ADCY2: variants seen among roughly 807,000 people sequenced by gnomAD.
The protein encoded by ADCY2 is adenylate cyclase 2.
Under a neutral mutation model 125.2 loss-of-function variants are expected in ADCY2, and 31 were observed. That is an observed-to-expected ratio of 0.25 (90% CI 0.19 to 0.33). The LOEUF is 0.33. ADCY2 is among the 10% of genes least tolerant of loss of function. The pLI, the probability that ADCY2 is intolerant of heterozygous loss-of-function variation, is 1.00. For missense variants in ADCY2, 904 were observed against 1,418.2 expected (o/e 0.64, Z 5.82); for synonymous variants, 512 against 548.4 (o/e 0.93, Z 0.93).
intron 11 of ADCY2, 25 bp from the exon 12 acceptor site, chr5:7,717,132 C>A: frequency 1.4e-6 from 2 of 1,462,220 alleles, no homozygotes; most frequent in South Asian, 1.2e-5. Context: ...ATATCCTTAC[C>A]CATAATATTC....
chr5:7,772,508 A>C (rs920909128), intron 17 of ADCY2, among the ~76,000 whole-genome samples: 1 of 152,200 alleles, frequency 6.6e-6, no homozygotes, highest in African/African-American at 2.4e-5. Context: ...GTAATGATTT[A>C]TATTCTCTTA....
chr5:7,589,457 A>AAAAAGAAAGAAAGAAAGAAAG (rs1561112255), intron 3 of ADCY2, among the ~76,000 whole-genome samples: 73 of 79,816 alleles, frequency 9.1e-4, no homozygotes, highest in African/African-American at 3.2e-3. Flanking sequence ...AGAAGGAAAG[A>AAAAAGAAAGAAAGAAAGAAAG]AAAAGAAAGA....
chr5:7,638,059 AC>A (rs1738569480), intron 4 of ADCY2, among the ~76,000 whole-genome samples: 1 of 152,226 alleles, frequency 6.6e-6, no homozygotes, highest in Non-Finnish European at 1.5e-5. Context: ...GAAAGCAGCA[AC>A]AGATATCCTG....
At chr5:7,736,249 T>C (rs1742251117) in intron 14 of ADCY2, among the ~76,000 whole-genome samples, 1 of 152,150 alleles carries the variant, frequency 6.6e-6, no homozygotes, top group Non-Finnish European at 1.5e-5. Flanking sequence ...AATGAAAGTT[T>C]GGGAAAATTT....
intron 3 of ADCY2, among the ~76,000 whole-genome samples, chr5:7,611,470 T>A (rs1011188959): frequency 6.6e-6 from 1 of 152,176 alleles, no homozygotes; most frequent in East Asian, 1.9e-4. Context: ...TTATGCTTGA[T>A]TTTTTAGTGG....
intron 3 of ADCY2, among the ~76,000 whole-genome samples, chr5:7,609,569 A>G (rs1407018163): frequency 6.6e-6 from 1 of 152,222 alleles, no homozygotes; most frequent in African/African-American, 2.4e-5. Flanking sequence ...TGTCCCAATA[A>G]GTTCTATATG....
chr5:7,594,560 G>A (rs1170832772), intron 3 of ADCY2, among the ~76,000 whole-genome samples: 2 of 152,194 alleles, frequency 1.3e-5, no homozygotes, highest in African/African-American at 4.8e-5. Flanking sequence ...CCTCTCCACA[G>A]CACCTTCCTT....
At chr5:7,784,767 C>T (rs905884593) in intron 19 of ADCY2, among the ~76,000 whole-genome samples, 3 of 145,308 alleles carry the variant, frequency 2.1e-5, no homozygotes, top group African/African-American at 7.5e-5. Flanking sequence ...ATAACTGACA[C>T]TATTTGAAAA....
intron 2 of ADCY2, among the ~76,000 whole-genome samples, chr5:7,488,915 G>T (rs934327626): frequency 6.6e-6 from 1 of 152,244 alleles, no homozygotes; most frequent in African/African-American, 2.4e-5. Flanking sequence ...AACCCCGAGG[G>T]ACCCATGAAT....
At chr5:7,550,548 T>C (rs148317261) in intron 3 of ADCY2, among the ~76,000 whole-genome samples, 13 of 152,324 alleles carry the variant, frequency 8.5e-5, no homozygotes, top group Non-Finnish European at 1.9e-4. Flanking sequence ...CCAAGCCTGT[T>C]GTCAGGACCC....
chr5:7,415,901 G>A (rs1739922439), intron 2 of ADCY2, among the ~76,000 whole-genome samples: 1 of 152,092 alleles, frequency 6.6e-6, no homozygotes, highest in African/African-American at 2.4e-5. Context: ...AAGCCATCCA[G>A]GGAGAGGGTG....
chr5:7,557,852 T>C (rs1264182601), intron 3 of ADCY2, among the ~76,000 whole-genome samples: 1 of 152,202 alleles, frequency 6.6e-6, no homozygotes, highest in Non-Finnish European at 1.5e-5. Flanking sequence ...CATAGTAGAA[T>C]GATTTCTATT....
intron 3 of ADCY2, among the ~76,000 whole-genome samples, chr5:7,585,467 A>G (rs1180034804): frequency 1.3e-5 from 2 of 152,170 alleles, no homozygotes; most frequent in African/African-American, 2.4e-5. Context: ...TTCTTCAGGC[A>G]AATGTGGTTT....
At chr5:7,648,087 A>G (rs1561143740) in intron 4 of ADCY2, among the ~76,000 whole-genome samples, 4 of 152,022 alleles carry the variant, frequency 2.6e-5, no homozygotes. Flanking sequence ...GAGATTTCAC[A>G]TTTTTCTGGT....
At chr5:7,545,844 G>T (rs1454191798) in intron 3 of ADCY2, among the ~76,000 whole-genome samples, 1 of 152,164 alleles carries the variant, frequency 6.6e-6, no homozygotes, top group Admixed American at 6.5e-5. Context: ...TTCAGCTATG[G>T]TAACTGGAGG....
intron 5 of ADCY2, among the ~76,000 whole-genome samples, chr5:7,695,227 G>A (rs750364329): frequency 6.6e-5 from 10 of 152,300 alleles, no homozygotes; most frequent in African/African-American, 1.4e-4. Context: ...TGTCATTTCC[G>A]AAGAGTGACC....
At chr5:7,501,704 G>A (rs1234895281) in intron 2 of ADCY2, among the ~76,000 whole-genome samples, 14 of 132,156 alleles carry the variant, frequency 1.1e-4, no homozygotes, top group African/African-American at 4.0e-4. Flanking sequence ...AATGTTGCAG[G>A]GGGAAGTGAG....
intron 14 of ADCY2, among the ~76,000 whole-genome samples, chr5:7,729,776 C>G (rs1331297693): frequency 6.8e-6 from 1 of 147,720 alleles, no homozygotes; most frequent in Admixed American, 6.7e-5. Context: ...TCATGTATAT[C>G]TTTCTTTTAG....
chr5:7,533,136 C>T (rs1452530450), intron 3 of ADCY2, among the ~76,000 whole-genome samples: 1 of 150,434 alleles, frequency 6.6e-6, no homozygotes, highest in Non-Finnish European at 1.5e-5. Flanking sequence ...CATATACACA[C>T]TATATTAAAT....
Sources: gnomAD v4.1 joint callset for allele counts (sites outside exome capture counted in the v4.1 genomes callset) on GRCh38, gnomAD v4.1.1 for gene constraint, MANE v1.5 for transcripts, NCBI Gene and HGNC (gene_info 2026-07-23, HGNC 2026-07-21) for gene names.